The following ATP10D variants were observed in gnomAD, a reference collection of about 807,000 sequenced individuals.
The protein encoded by ATP10D is ATPase phospholipid transporting 10D (putative), also known as phospholipid-transporting ATPase VD.
In ATP10D, 89 loss-of-function variants were observed where a neutral mutation model predicts 144.8. That is an observed-to-expected ratio of 0.61 (90% CI 0.52 to 0.73). The LOEUF (loss-of-function observed/expected upper bound fraction) is 0.73, where lower values mean the gene tolerates loss of function less well. Among genes scored for constraint, ATP10D ranks in the 30% least tolerant of loss-of-function variants. The pLI is 0.00. For missense variants in ATP10D, 1,603 were observed against 1,714.8 expected (o/e 0.93, Z 1.15); for synonymous variants, 571 against 615.1 (o/e 0.93, Z 1.06).
chr4:47,511,257 A>G (rs140751599), intron 1 of ATP10D, among the ~76,000 whole-genome samples: 5 of 152,118 alleles, frequency 3.3e-5, no homozygotes, highest in African/African-American at 1.2e-4. Flanking sequence ...ATAAATAAAT[A>G]TTTTAGAGGC....
chr4:47,490,217 T>C (rs978531836), intron 1 of ATP10D, among the ~76,000 whole-genome samples: 1 of 152,224 alleles, frequency 6.6e-6, no homozygotes, highest in Admixed American at 6.5e-5. Flanking sequence ...ATAACATCTC[T>C]TCTTCTTTAC....
At chr4:47,524,631 T>C (rs1243234981) in intron 4 of ATP10D, among the ~76,000 whole-genome samples, 2 of 152,244 alleles carry the variant, frequency 1.3e-5, no homozygotes, top group Admixed American at 6.5e-5. Flanking sequence ...GTGACCTCGA[T>C]TGTAATCCTG....
At chr4:47,547,100 A>T in intron 10 of ATP10D, 1 of 522,590 alleles carries the variant, frequency 1.9e-6, no homozygotes, top group South Asian at 2.4e-5. Context: ...GAAAAAAAAA[A>T]AGGAGAATAT....
chr4:47,523,233 CAGTT>C lies in ATP10D; in HGVS notation c.690+21_690+24del. ...GCAGAACAGGTAAGTCATATGTTCT[CAGTT>C]AGTGGCTTATTAACATTTTTTTTCA... On this transcript the variant is annotated intron_variant, in intron 4 of 22. Transcript: ENST00000273859. 6.3e-7 allele frequency: 1 copy of C among 1,597,722 alleles called. No individual in the cohort carries two copies. The highest frequency in any genetic ancestry group is 8.6e-7 in the Non-Finnish European group (1 of 1,165,854).
At position 47,515,676 on chromosome 4, in the gene ATP10D, T is replaced by G. The variant is rs762595611; in HGVS notation, c.485+6T>G. 2.5e-6 allele frequency: 4 copies of G among 1,573,068 alleles called. No homozygotes were observed. The highest frequency in any genetic ancestry group is 3.5e-6 in the Non-Finnish European group (4 of 1,144,300). ...ATAACTAAAGTTTATAGTAGGTAAG[T>G]GTAATGGGACCTTTGCTAAGGACTA... On this transcript the variant is annotated splice_donor_region_variant and intron_variant, in intron 3 of 22. Transcript: ENST00000273859.
At chr4:47,568,661 C>G (rs1334919049) in intron 15 of ATP10D, among the ~76,000 whole-genome samples, 176 bp from the exon 16 acceptor site, 2 of 152,092 alleles carry the variant, frequency 1.3e-5, no homozygotes, top group African/African-American at 4.8e-5. Context: ...TTAACCCATC[C>G]CCACATACAC....
At chr4:47,540,221 T>G (rs1718064269) in intron 9 of ATP10D, among the ~76,000 whole-genome samples, 1 of 152,224 alleles carries the variant, frequency 6.6e-6, no homozygotes, top group Non-Finnish European at 1.5e-5. Flanking sequence ...GGCTAGTCCT[T>G]TAGGGTTTTC....
At chr4:47,580,078 GAGA>G (rs755441646) in intron 19 of ATP10D, among the ~76,000 whole-genome samples, 13 of 152,206 alleles carry the variant, frequency 8.5e-5, no homozygotes, top group Admixed American at 1.3e-4. Context: ...GATAGAGTTG[GAGA>G]AGTTTTGAAA....
intron 1 of ATP10D, among the ~76,000 whole-genome samples, chr4:47,488,071 T>C (rs1418024877): frequency 6.6e-6 from 1 of 152,130 alleles, no homozygotes; most frequent in African/African-American, 2.4e-5. Flanking sequence ...GAATCGCATA[T>C]GAAGATTTAT....
At chr4:47,561,681 A>C (rs1219276153) in intron 14 of ATP10D, among the ~76,000 whole-genome samples, 1 of 152,172 alleles carries the variant, frequency 6.6e-6, no homozygotes. Flanking sequence ...CTTGTCTTGG[A>C]TTAAACTGCA....
intron 13 of ATP10D, among the ~76,000 whole-genome samples, chr4:47,559,507 A>G (rs538506681): frequency 1.3e-4 from 20 of 152,212 alleles, no homozygotes; most frequent in South Asian, 4.1e-4. Context: ...ATATTATCTC[A>G]GTATTGATTA....
At chr4:47,563,811 A>T in intron 15 of ATP10D, 46 bp downstream of exon 15, 1 of 1,445,722 alleles carries the variant, frequency 6.9e-7, no homozygotes, top group Non-Finnish European at 9.3e-7. Context: ...TTTCAAAGGC[A>T]TTGGAACATT....
chr4:47,577,149 G>C (rs889940511), intron 19 of ATP10D, among the ~76,000 whole-genome samples, 176 bp downstream of exon 19: 25 of 152,196 alleles, frequency 1.6e-4, no homozygotes, highest in African/African-American at 5.5e-4. Flanking sequence ...GGTAAATACA[G>C]ATTAATCTAT....
chr4:47,545,783 AAAAT>A (rs1482974000), intron 9 of ATP10D, among the ~76,000 whole-genome samples: 2 of 152,200 alleles, frequency 1.3e-5, no homozygotes, highest in African/African-American at 2.4e-5. Flanking sequence ...TTCAAAAAAT[AAAAT>A]AAATAAGATA....
In ATP10D at chr4:47,554,471, C is replaced by T. The variant is rs182803202; in HGVS notation, c.1636-255C>T. On this transcript the variant is annotated intron_variant, in intron 10 of 22. Transcript: ENST00000273859. ...TCAACTAGATTTGGTGAAAACTAAACTCCTGTTTAGTTTAATAGTTAAGAG... is the reference window on the plus strand; with the variant it reads ...TCAACTAGATTTGGTGAAAACTAAATTCCTGTTTAGTTTAATAGTTAAGAG... Among the ~76,000 whole-genome samples the T allele has an allele frequency of 2.5e-3, 376 of 152,258 alleles. 1 individual carries two copies. The highest frequency in any genetic ancestry group is 2.5e-3 in the Non-Finnish European group (170 of 68,006).
At chr4:47,565,022 G>A (rs1275909055) in intron 15 of ATP10D, among the ~76,000 whole-genome samples, 1 of 152,314 alleles carries the variant, frequency 6.6e-6, no homozygotes, top group Middle Eastern at 3.4e-3. Context: ...GCTATGGCGC[G>A]ATCTCGGCTC....
At chr4:47,528,296 G>A (rs1717361349) in intron 5 of ATP10D, among the ~76,000 whole-genome samples, 1 of 151,750 alleles carries the variant, frequency 6.6e-6, no homozygotes, top group South Asian at 2.1e-4. Context: ...CCCTCCATGT[G>A]TCCATGTATA....
At chr4:47,568,693 T>C (rs1719770668) in intron 15 of ATP10D, 144 bp from the exon 16 acceptor site, 1 of 708,956 alleles carries the variant, frequency 1.4e-6, no homozygotes. Flanking sequence ...TGTGGAAGAC[T>C]CGTAAAATCT....
At chr4:47,510,156 C>G (rs564061802) in intron 1 of ATP10D, among the ~76,000 whole-genome samples, 3 of 152,130 alleles carry the variant, frequency 2.0e-5, no homozygotes, top group African/African-American at 7.2e-5. Context: ...TAATTACCTC[C>G]AAGCCTAGGC....
Sources: gnomAD v4.1 joint callset for allele counts (sites outside exome capture counted in the v4.1 genomes callset) on GRCh38, gnomAD v4.1.1 for gene constraint, MANE v1.5 for transcripts, NCBI Gene and HGNC (gene_info 2026-07-23, HGNC 2026-07-21) for gene names.